The following ADCY2 variants were observed in gnomAD, a reference collection of about 807,000 sequenced individuals.
ADCY2 encodes adenylate cyclase type 2.
In ADCY2, 31 loss-of-function variants were observed where a neutral mutation model predicts 125.2. The ratio of observed to expected loss-of-function variants is 0.25; its 90% CI spans 0.19 to 0.33. ADCY2 has a LOEUF of 0.33. Among genes scored for constraint, ADCY2 ranks in the 10% least tolerant of loss-of-function variants. ADCY2 has a pLI of 1.00. For missense variants in ADCY2, 904 were observed against 1,418.2 expected, an observed-to-expected ratio of 0.64 and a Z score of 5.82; for synonymous variants, 512 against 548.4, an observed-to-expected ratio of 0.93 and a Z score of 0.93.
At chr5:7,407,563 A>G (rs1419968624) in intron 1 of ADCY2, among the ~76,000 whole-genome samples, 2 of 152,158 alleles carry the variant, frequency 1.3e-5, no homozygotes, top group Non-Finnish European at 2.9e-5. Flanking sequence ...ACCGTATCAC[A>G]TGTCTAGTCA....
intron 2 of ADCY2, among the ~76,000 whole-genome samples, chr5:7,502,381 C>T (rs924190995): frequency 2.0e-5 from 3 of 152,124 alleles, no homozygotes; most frequent in Non-Finnish European, 4.4e-5. Flanking sequence ...CAAACCCCTC[C>T]AGTCCAGAGA....
chr5:7,723,920 CA>C (rs70940756), intron 12 of ADCY2, among the ~76,000 whole-genome samples: 109 of 53,706 alleles, frequency 2.0e-3, no homozygotes, highest in African/African-American at 0.01. Flanking sequence ...GACTCAGTCT[CA>C]AAAAAAAAAA....
At chr5:7,506,702 G>A (rs1743827225) in intron 2 of ADCY2, among the ~76,000 whole-genome samples, 1 of 150,534 alleles carries the variant, frequency 6.6e-6, no homozygotes, top group African/African-American at 2.4e-5. Flanking sequence ...TTTAATGGCA[G>A]TGTATTGTAT....
At chr5:7,481,359 C>T (rs570646617) in intron 2 of ADCY2, among the ~76,000 whole-genome samples, 5 of 152,232 alleles carry the variant, frequency 3.3e-5, no homozygotes, top group African/African-American at 4.8e-5. Flanking sequence ...CTCCGCCTCC[C>T]GGGTTCACGC....
In ADCY2 at chr5:7,459,772, A is replaced by ATTTTTTTTTTT. The variant is rs3033085; in HGVS notation, c.408+45025_408+45035dup. Among the ~76,000 whole-genome samples, 110 of 72,866 alleles carry ATTTTTTTTTTT rather than the reference A, an allele frequency of 1.5e-3. 8 individuals are homozygous for ATTTTTTTTTTT. Among genetic ancestry groups the ATTTTTTTTTTT allele is most frequent in the African/African-American group, 5.2e-3 (85 of 16,350 alleles). The allele number at this position is 72,866 out of a possible 152,430, so 47.8% of individuals were successfully genotyped here. On this transcript the variant is annotated intron_variant, in intron 2 of 24. Coordinates refer to ENST00000338316, the MANE Select transcript of ADCY2 (RefSeq NM_020546.3). ...GAACTATCTAGCAGTTTAAGAGGTA[A>ATTTTTTTTTTT]TTTTTTTTTTTTTTTTTTTTTTTTT...
At chr5:7,444,115 T>C (rs1313048193) in intron 2 of ADCY2, among the ~76,000 whole-genome samples, 1,470 of 143,564 alleles carry the variant, frequency 0.01, 29 homozygotes, top group African/African-American at 0.037. Context: ...TTATCTCTTT[T>C]TTTTTTTTTT....
At chr5:7,804,715 C>G (rs150243733) in intron 22 of ADCY2, 23 bp downstream of exon 22, 2 of 1,583,212 alleles carry the variant, frequency 1.3e-6, no homozygotes, top group Non-Finnish European at 1.7e-6. Context: ...GGCCACTTAA[C>G]GGCACAGGTG....
At position 7,690,693 on chromosome 5, in the gene ADCY2, G is replaced by A; in HGVS notation, c.723G>A (p.Glu241=). 6.3e-7 allele frequency: 1 copy of A among 1,577,902 alleles called. No individual in the cohort carries two copies. Among genetic ancestry groups the A allele is most frequent in the Non-Finnish European group, 8.6e-7 (1 of 1,164,616 alleles). ...IKLEFEKRQQ[E]RLLLSLLPAH... ...TCCTCCTTCCCCACCTTGTCCAGGA[G>A]CGGCTTCTGCTCTCCCTGCTGCCGG... is the stretch of plus-strand genomic sequence containing the variant. The change falls in exon 5 of 25, where the codon GAG becomes GAA. Residue 241 remains glutamate, a splice_region_variant and synonymous_variant. Transcript: ENST00000338316.
intron 1 of ADCY2, among the ~76,000 whole-genome samples, chr5:7,397,915 C>T (rs1054291088): frequency 2.0e-5 from 3 of 152,140 alleles, no homozygotes; most frequent in African/African-American, 7.2e-5. Context: ...TGTAACCAGC[C>T]TTCTATGCTC....
At chr5:7,543,492 C>T (rs1735056851) in intron 3 of ADCY2, among the ~76,000 whole-genome samples, 1 of 152,066 alleles carries the variant, frequency 6.6e-6, no homozygotes, top group African/African-American at 2.4e-5. Flanking sequence ...CTCTAAAATG[C>T]TTTAAACCTG....
At chr5:7,458,945 C>A (rs918781257) in intron 2 of ADCY2, among the ~76,000 whole-genome samples, 1 of 152,094 alleles carries the variant, frequency 6.6e-6, no homozygotes, top group East Asian at 1.9e-4. Flanking sequence ...CTTTGGGTGG[C>A]GTATCAAGTG....
intron 6 of ADCY2, among the ~76,000 whole-genome samples, chr5:7,696,591 G>T (rs1306397966): frequency 1.3e-5 from 2 of 152,176 alleles, no homozygotes; most frequent in African/African-American, 4.8e-5. Flanking sequence ...TCTTTGAATT[G>T]TTCCCAGCAA....
At chr5:7,419,058 G>A (rs1449499281) in intron 2 of ADCY2, among the ~76,000 whole-genome samples, 3 of 152,180 alleles carry the variant, frequency 2.0e-5, no homozygotes, top group Non-Finnish European at 1.5e-5. Context: ...GCTTAGGAAA[G>A]CAGGCTGCTT....
intron 2 of ADCY2, among the ~76,000 whole-genome samples, chr5:7,491,268 T>C (rs1743154456): frequency 6.6e-6 from 1 of 152,172 alleles, no homozygotes; most frequent in Non-Finnish European, 1.5e-5. Context: ...TTTTTTTTTT[T>C]TGAGACACAG....
intron 8 of ADCY2, among the ~76,000 whole-genome samples, 171 bp downstream of exon 8, chr5:7,707,073 C>A (rs1741289092): frequency 6.6e-6 from 1 of 152,202 alleles, no homozygotes; most frequent in South Asian, 2.1e-4. Flanking sequence ...GACGAGCTCT[C>A]AAGTCCCTGC....
chr5:7,627,962 T>TTTTG (rs1170322492), intron 4 of ADCY2, among the ~76,000 whole-genome samples: 2 of 152,188 alleles, frequency 1.3e-5, no homozygotes, highest in African/African-American at 2.4e-5. Flanking sequence ...GAACCGATGT[T>TTTTG]TTTGTTTGTT....
intron 15 of ADCY2, among the ~76,000 whole-genome samples, chr5:7,754,088 A>G (rs1048013949): frequency 6.6e-6 from 1 of 152,072 alleles, no homozygotes; most frequent in African/African-American, 2.4e-5. Context: ...CCAAACCCCC[A>G]TGCGTCTAGT....
intron 3 of ADCY2, among the ~76,000 whole-genome samples, chr5:7,536,654 A>C (rs1378673824): frequency 1.3e-5 from 2 of 152,092 alleles, no homozygotes; most frequent in African/African-American, 4.8e-5. Flanking sequence ...CCCATTCTAG[A>C]TTTTTGACTC....
chr5:7,527,914 G>A (rs1446445873), intron 3 of ADCY2, among the ~76,000 whole-genome samples: 4 of 152,224 alleles, frequency 2.6e-5, no homozygotes, highest in African/African-American at 9.6e-5. Context: ...GTTTCTGGCT[G>A]TGGGAGAGAC....
Sources: allele counts gnomAD v4.1 joint callset (sites outside exome capture counted in the v4.1 genomes callset), GRCh38; gene constraint gnomAD v4.1.1; transcripts MANE v1.5; gene names NCBI Gene and HGNC (gene_info 2026-07-23, HGNC 2026-07-21).